The following GOLM2 variants were observed in gnomAD, a reference collection of about 807,000 sequenced individuals.
The protein encoded by GOLM2 is protein GOLM2.
GOLM2 carries 26 observed loss-of-function variants against 55.9 expected under a neutral mutation model. The ratio of observed to expected loss-of-function variants is 0.47; its 90% CI spans 0.34 to 0.65. GOLM2 has a LOEUF of 0.65. Among genes scored for constraint, GOLM2 ranks in the 30% least tolerant of loss-of-function variants. GOLM2 has a pLI of 0.01. For missense variants in GOLM2, 486 were observed against 531.8 expected (o/e 0.91, Z 0.85); for synonymous variants, 165 against 194.6 (o/e 0.85, Z 1.27).
intron 8 of GOLM2, among the ~76,000 whole-genome samples, chr15:44,397,478 C>CAAAA (rs1007948393): frequency 4.3e-4 from 14 of 32,514 alleles, no homozygotes; most frequent in African/African-American, 1.1e-3. Context: ...GACTCCGTCT[C>CAAAA]AAAAAAAAAA....
intron 1 of GOLM2, among the ~76,000 whole-genome samples, chr15:44,318,596 C>T (rs2078927965): frequency 2.0e-5 from 3 of 151,828 alleles, no homozygotes. Flanking sequence ...GTAGTCCAAG[C>T]TACTTGGGAG....
At chr15:44,397,245 C>T (rs1037802500) in intron 8 of GOLM2, among the ~76,000 whole-genome samples, 10 of 151,780 alleles carry the variant, frequency 6.6e-5, no homozygotes, top group Admixed American at 1.3e-4. Flanking sequence ...TTTGGGAGGC[C>T]GAGGCAGGCC....
chr15:44,322,896 G>T, intron 1 of GOLM2, 69 bp from the exon 2 acceptor site: 1 of 1,095,648 alleles, frequency 9.1e-7, no homozygotes, highest in Non-Finnish European at 1.3e-6. Flanking sequence ...AGCTCAAAGT[G>T]AATATGAACC....
rs779112352 is a variant in GOLM2, at chr15:44,289,304, G to A, written c.275G>A (p.Ser92Asn). ...DQKEADYGRLSSRLQAREGLG... is the reference protein window; with the variant it reads ...DQKEADYGRLNSRLQAREGLG... ...AAGGAGGCCGACTACGGCCGCCTCAGCAGCCGGCTGCAGGCCAGAGAGGGC... is the reference window on the plus strand; with the variant it reads ...AAGGAGGCCGACTACGGCCGCCTCAACAGCCGGCTGCAGGCCAGAGAGGGC... Residue 92 changes from serine (S) to asparagine (N), a missense_variant, in exon 1 of 10, where the codon AGC becomes AAC. Ser to Asn is a conservative substitution (Grantham distance 46). Transcript: ENST00000299957. This position sits in a 1 kb window ranked among gnomAD's most constrained non-coding sequence, Gnocchi z 4.8. The A allele has an allele frequency of 1.4e-5, 23 of 1,613,544 alleles. No individual in the cohort carries two copies. The highest frequency in any genetic ancestry group is 1.9e-5 in the Non-Finnish European group (22 of 1,179,864).
At chr15:44,384,210 A>T (rs1175235546) in intron 8 of GOLM2, among the ~76,000 whole-genome samples, 7 of 152,182 alleles carry the variant, frequency 4.6e-5, no homozygotes, top group African/African-American at 1.7e-4. Flanking sequence ...GAATATTTTC[A>T]TCACCCTGAA....
rs2078707100 is a variant in GOLM2 at position 44,289,740 on chromosome 15, C to T, written c.327+384C>T. 1.3e-5 allele frequency among the ~76,000 whole-genome samples: 2 copies of T among 152,214 alleles called. No individual in the cohort carries two copies. Among genetic ancestry groups the T allele is most frequent in the Non-Finnish European group, 2.9e-5 (2 of 68,038 alleles). ...TTGTCTCATTTTTATTCCGTGCACA[C>T]TGATCAATATTAATTTCGTTATTTA... On this transcript the variant is annotated intron_variant, in intron 1 of 9. Coordinates refer to ENST00000299957, the MANE Select transcript of GOLM2 (RefSeq NM_138423.4). This position sits in a 1 kb window ranked among gnomAD's most constrained non-coding sequence, Gnocchi z 4.8.
intron 1 of GOLM2, among the ~76,000 whole-genome samples, chr15:44,312,894 C>T (rs1188617008): frequency 6.6e-6 from 1 of 152,106 alleles, no homozygotes; most frequent in Non-Finnish European, 1.5e-5. Context: ...TCTTGGCCAA[C>T]ATGGTGAAAC....
rs543423724 is a variant in GOLM2, at chr15:44,355,920, T to A, written c.802+17603T>A. ...CTCAGCCAAAAATAAAATAAAATAA[T>A]AGAAAGATAACTGGAAAATCCCAAA... is the stretch of plus-strand genomic sequence containing the variant. On this transcript the variant is annotated intron_variant, in intron 6 of 9. Transcript: ENST00000299957. Among the ~76,000 whole-genome samples the A allele has an allele frequency of 4.6e-5, 7 of 152,140 alleles. No individual in the cohort carries two copies. In the South Asian group the frequency reaches 1.5e-3, roughly 32 times the overall value.
intron 6 of GOLM2, among the ~76,000 whole-genome samples, chr15:44,353,125 A>G (rs1274136061): frequency 1.3e-5 from 2 of 152,242 alleles, no homozygotes; most frequent in Non-Finnish European, 2.9e-5. Context: ...CAAAGCAGAT[A>G]TATGAAAAAG....
chr15:44,298,825 G>T (rs929029312), intron 1 of GOLM2, among the ~76,000 whole-genome samples: 1 of 152,110 alleles, frequency 6.6e-6, no homozygotes, highest in Non-Finnish European at 1.5e-5. Context: ...ACCTGTGAAT[G>T]TTATCTTAGT....
At position 44,289,402 on chromosome 15, in the gene GOLM2, C is replaced by T. The variant is rs59997416; in HGVS notation, c.327+46C>T. The T allele has an allele frequency of 0.045, 68,128 of 1,525,924 alleles. 4,371 individuals are homozygous for T. Among genetic ancestry groups the T allele is most frequent in the African/African-American group, 0.28 (20,333 of 72,566 alleles). The allele number at this position is 1,525,924 out of a possible 1,614,324, so 94.5% of individuals were successfully genotyped here. Reference sequence around the variant, plus strand: ...TTCAAACCCCATGGTTTCTTTTCTCCCCGGGGTCTGGGGCGGGATGTTAAT... The same window carrying T: ...TTCAAACCCCATGGTTTCTTTTCTCTCCGGGGTCTGGGGCGGGATGTTAAT... On this transcript the variant is annotated intron_variant, in intron 1 of 9. Coordinates refer to ENST00000299957, the MANE Select transcript of GOLM2 (RefSeq NM_138423.4). The surrounding 1 kb of genome is among the most constrained non-coding windows in gnomAD (Gnocchi z 4.8).
At chr15:44,398,685 A>G (rs570005846) in intron 8 of GOLM2, among the ~76,000 whole-genome samples, 6 of 111,970 alleles carry the variant, frequency 5.4e-5, no homozygotes, top group Non-Finnish European at 8.6e-5. Flanking sequence ...TTTTTTTGAG[A>G]CAAGAGTTTC....
intron 1 of GOLM2, among the ~76,000 whole-genome samples, chr15:44,299,256 A>G (rs2078779819): frequency 6.6e-6 from 1 of 151,982 alleles, no homozygotes; most frequent in Non-Finnish European, 1.5e-5. Context: ...ACAAATGCAT[A>G]CTTAAAAGTT....
At chr15:44,325,955 G>T (rs577445227) in intron 2 of GOLM2, among the ~76,000 whole-genome samples, 4 of 152,152 alleles carry the variant, frequency 2.6e-5, no homozygotes, top group African/African-American at 9.6e-5. Flanking sequence ...ACATATTGGA[G>T]AATTAATATT....
At chr15:44,303,589 A>G (rs1055373554) in intron 1 of GOLM2, among the ~76,000 whole-genome samples, 1 of 152,168 alleles carries the variant, frequency 6.6e-6, no homozygotes, top group East Asian at 1.9e-4. Flanking sequence ...TTTTGGTGAC[A>G]GGGTCTCATT....
At chr15:44,327,112 A>G (rs1595627643) in intron 2 of GOLM2, among the ~76,000 whole-genome samples, 1 of 150,274 alleles carries the variant, frequency 6.7e-6, no homozygotes, top group African/African-American at 2.5e-5. Flanking sequence ...CACCATGCTT[A>G]GTTAATTTTT....
intron 6 of GOLM2, among the ~76,000 whole-genome samples, chr15:44,354,170 C>T (rs1009436322): frequency 1.3e-5 from 2 of 151,746 alleles, no homozygotes; most frequent in African/African-American, 2.4e-5. Context: ...CCACTTCATC[C>T]AACAACAGCA....
intron 1 of GOLM2, among the ~76,000 whole-genome samples, chr15:44,291,328 T>C (rs1424232014): frequency 6.6e-6 from 1 of 152,182 alleles, no homozygotes; most frequent in African/African-American, 2.4e-5. Context: ...TTCAACAGTA[T>C]GTGGGTGTCC....
At chr15:44,337,690 A>G in intron 4 of GOLM2, 73 bp from the exon 5 acceptor site, 4 of 1,105,980 alleles carry the variant, frequency 3.6e-6, no homozygotes, top group Non-Finnish European at 5.1e-6. Flanking sequence ...GTTTCAGAAC[A>G]TTTAATTAAT....
Sources: allele counts gnomAD v4.1 joint callset (sites outside exome capture counted in the v4.1 genomes callset), GRCh38; gene constraint gnomAD v4.1.1; non-coding constraint Gnocchi (gnomAD v3.1); transcripts MANE v1.5; gene names NCBI Gene and HGNC (gene_info 2026-07-23, HGNC 2026-07-21).